Variants in RPSA2 observed in about 807,000 individuals in gnomAD.
The protein encoded by RPSA2 is ribosomal protein SA 2.
the RPSA2 span, among the ~76,000 whole-genome samples, chr19:23,764,004 G>A: frequency 5.2e-4 from 79 of 152,222 alleles, no homozygotes; most frequent in Non-Finnish European, 8.5e-4. Flanking sequence ...GTAATCAGAG[G>A]TTAATTGCAG....
chr19:23,813,666 A>G, the RPSA2 span, among the ~76,000 whole-genome samples: 4 of 151,444 alleles, frequency 2.6e-5, no homozygotes, highest in South Asian at 8.3e-4. Context: ...AATTATAAGA[A>G]GTACATTTAT....
chr19:23,800,925 A>T, the RPSA2 span, among the ~76,000 whole-genome samples: 2 of 152,084 alleles, frequency 1.3e-5, no homozygotes, highest in East Asian at 3.9e-4. Flanking sequence ...ATTTCTACAA[A>T]CTTAATAGGG....
the RPSA2 span, among the ~76,000 whole-genome samples, chr19:23,828,323 CTTTT>C: frequency 2.4e-5 from 3 of 124,304 alleles, no homozygotes; most frequent in Admixed American, 2.4e-4. Flanking sequence ...TTCTTTCTTT[CTTTT>C]TTTTTTTTTA....
chr19:23,863,299 C>T, the RPSA2 span, among the ~76,000 whole-genome samples: 31 of 152,234 alleles, frequency 2.0e-4, no homozygotes, highest in African/African-American at 6.7e-4. Flanking sequence ...AGCAGTGGCA[C>T]CCACCTGTAA....
the RPSA2 span, among the ~76,000 whole-genome samples, chr19:23,826,697 A>G: frequency 1.3e-5 from 2 of 151,936 alleles, no homozygotes; most frequent in Non-Finnish European, 2.9e-5. Context: ...ATATATATAT[A>G]TATTTTTTGA....
At chr19:23,838,544 T>G in the RPSA2 span, among the ~76,000 whole-genome samples, 1 of 152,042 alleles carries the variant, frequency 6.6e-6, no homozygotes, top group South Asian at 2.1e-4. Flanking sequence ...CTGTTGGATT[T>G]TTTTTTGTTG....
chr19:23,836,372 G>GAC, the RPSA2 span, among the ~76,000 whole-genome samples: 340 of 150,180 alleles, frequency 2.3e-3, 1 homozygote, highest in African/African-American at 7.3e-3. Flanking sequence ...CACACACACA[G>GAC]ACACACACAC....
the RPSA2 span, among the ~76,000 whole-genome samples, chr19:23,807,373 C>T: frequency 6.6e-6 from 1 of 152,196 alleles, no homozygotes; most frequent in East Asian, 1.9e-4. Flanking sequence ...TTTCAGATCT[C>T]CTGAAAAAAT....
chr19:23,823,557 G>A, the RPSA2 span, among the ~76,000 whole-genome samples: 1 of 152,132 alleles, frequency 6.6e-6, no homozygotes, highest in South Asian at 2.1e-4. Context: ...CCTACTCCCA[G>A]TTTTCTCTCC....
the RPSA2 span, among the ~76,000 whole-genome samples, chr19:23,852,140 T>A: frequency 1.5e-4 from 23 of 152,306 alleles, no homozygotes; most frequent in Non-Finnish European, 2.8e-4. Flanking sequence ...AACTGGGCAG[T>A]TTGGATTCTT....
the RPSA2 span, among the ~76,000 whole-genome samples, chr19:23,787,445 AG>A: frequency 2.0e-3 from 291 of 147,944 alleles, 1 homozygote; most frequent in Middle Eastern, 3.4e-3. Flanking sequence ...TACTAAAAAA[AG>A]AAAAATACGA....
chr19:23,816,868 C>G, the RPSA2 span, among the ~76,000 whole-genome samples: 20 of 152,286 alleles, frequency 1.3e-4, no homozygotes, highest in African/African-American at 4.3e-4. Context: ...GAGACTAGTA[C>G]AGAAGAGACC....
chr19:23,830,086 A>G, the RPSA2 span, among the ~76,000 whole-genome samples: 1 of 149,468 alleles, frequency 6.7e-6, no homozygotes, highest in African/African-American at 2.5e-5. Flanking sequence ...AGATTCACTG[A>G]TGGTATAATT....
the RPSA2 span, among the ~76,000 whole-genome samples, chr19:23,828,963 A>G: frequency 6.6e-6 from 1 of 152,024 alleles, no homozygotes; most frequent in East Asian, 1.9e-4. Context: ...ACACACACAC[A>G]CACACAAATT....
the RPSA2 span, among the ~76,000 whole-genome samples, chr19:23,834,317 G>T: frequency 3.0e-4 from 1 of 3,364 alleles, no homozygotes; most frequent in Non-Finnish European, 3.9e-3. Flanking sequence ...ATTACTTCAT[G>T]CTCTTCCATA....
chr19:23,840,283 C>G, the RPSA2 span, among the ~76,000 whole-genome samples: 10 of 152,188 alleles, frequency 6.6e-5, no homozygotes, highest in Non-Finnish European at 1.2e-4. Context: ...TAAAATAATT[C>G]TCCCCTATGT....
At chr19:23,815,578 G>T in the RPSA2 span, among the ~76,000 whole-genome samples, 3 of 152,130 alleles carry the variant, frequency 2.0e-5, no homozygotes, top group Non-Finnish European at 4.4e-5. Flanking sequence ...CACACTTTTT[G>T]TACAGTCTGC....
chr19:23,852,532 G>A, the RPSA2 span, among the ~76,000 whole-genome samples: 1 of 152,164 alleles, frequency 6.6e-6, no homozygotes, highest in Non-Finnish European at 1.5e-5. Flanking sequence ...CGAAAGGATG[G>A]GCCAAATTAA....
At chr19:23,785,797 A>G in the RPSA2 span, among the ~76,000 whole-genome samples, 3 of 152,150 alleles carry the variant, frequency 2.0e-5, no homozygotes, top group African/African-American at 4.8e-5. Flanking sequence ...ACCTCAAACC[A>G]TCTAATAGGA....
Sources: allele counts gnomAD v4.1 joint callset (sites outside exome capture counted in the v4.1 genomes callset), GRCh38; gene constraint gnomAD v4.1.1; transcripts MANE v1.5; gene names NCBI Gene and HGNC (gene_info 2026-07-23, HGNC 2026-07-21).